Variants in RAB2A observed in about 807,000 individuals in gnomAD.
The protein encoded by RAB2A is RAB2A, member RAS oncogene family.
A neutral mutation model predicts 32.5 loss-of-function variants in RAB2A; 7 were observed. The ratio of observed to expected loss-of-function variants is 0.22; its 90% CI spans 0.12 to 0.40. The LOEUF (loss-of-function observed/expected upper bound fraction) is 0.40, where lower values mean the gene tolerates loss of function less well. Ranked by LOEUF, RAB2A falls within the 10% of genes least tolerant of loss-of-function variation. The pLI is 1.00. For missense variants in RAB2A, 108 were observed against 260.7 expected (o/e 0.41, Z 4.03); for synonymous variants, 79 against 85.2 (o/e 0.93, Z 0.40).
intron 2 of RAB2A, among the ~76,000 whole-genome samples, chr8:60,560,502 G>C (rs1449778937): frequency 6.6e-6 from 1 of 152,164 alleles, no homozygotes; most frequent in African/African-American, 2.4e-5. Flanking sequence ...CAAAACAGTT[G>C]TATTTAGTAT....
intron 1 of RAB2A, among the ~76,000 whole-genome samples, chr8:60,546,352 A>G (rs1047438104): frequency 1.3e-5 from 2 of 152,194 alleles, no homozygotes; most frequent in African/African-American, 4.8e-5. Flanking sequence ...GACTTGACCA[A>G]CCTTCTCTTG....
At chr8:60,541,168 C>T (rs145071088) in intron 1 of RAB2A, among the ~76,000 whole-genome samples, 178 of 152,228 alleles carry the variant, frequency 1.2e-3, no homozygotes, top group African/African-American at 4.3e-3. Flanking sequence ...CCAGTCTAAT[C>T]ATGAAAAAAT....
At chr8:60,606,945 G>A (rs556405502) in intron 6 of RAB2A, among the ~76,000 whole-genome samples, 2 of 152,188 alleles carry the variant, frequency 1.3e-5, no homozygotes, top group South Asian at 2.1e-4. Flanking sequence ...AATTGGCGGG[G>A]GATGCGTAAC....
At chr8:60,576,229 GC>G (rs1328674130) in intron 3 of RAB2A, 1 of 456,080 alleles carries the variant, frequency 2.2e-6, no homozygotes, top group African/African-American at 2.0e-5. Context: ...ATTCTTTTCT[GC>G]CAGGGGAAGT....
intron 1 of RAB2A, among the ~76,000 whole-genome samples, chr8:60,550,813 TCAATA>T (rs1460511476): frequency 6.6e-6 from 1 of 152,200 alleles, no homozygotes; most frequent in Non-Finnish European, 1.5e-5. Context: ...CTATTTTATC[TCAATA>T]AACTTACAGA....
chr8:60,558,046 C>CT (rs1404846084), intron 1 of RAB2A, among the ~76,000 whole-genome samples: 1 of 152,176 alleles, frequency 6.6e-6, no homozygotes, highest in African/African-American at 2.4e-5. Context: ...TTTTCAAGTC[C>CT]TAGTGCAGTG....
At chr8:60,517,910 A>T (rs1354496578) in intron 1 of RAB2A, among the ~76,000 whole-genome samples, 4 of 152,204 alleles carry the variant, frequency 2.6e-5, no homozygotes, top group Admixed American at 2.6e-4. Context: ...TTAGGAAAGC[A>T]TGAACGAGTT....
In RAB2A at chr8:60,517,323, C is replaced by A. The variant is rs1042576879; in HGVS notation, c.46+70C>A. On this transcript the variant is annotated intron_variant, in intron 1 of 7. Coordinates refer to ENST00000262646, the MANE Select transcript of RAB2A (RefSeq NM_002865.3). ...ACCCGGGCTGAGGGGCAAACGGCGTCTGGCGGTGGCGGGGACGCGGACTCC... is the reference window on the plus strand; with the variant it reads ...ACCCGGGCTGAGGGGCAAACGGCGTATGGCGGTGGCGGGGACGCGGACTCC... 122 of 1,351,962 alleles carry A rather than the reference C, an allele frequency of 9.0e-5. No homozygotes were observed. The Middle Eastern group carries it at 1.8e-3, about 20-fold the overall frequency. 83.7% of individuals were successfully genotyped at this position (1,351,962 alleles called of 1,614,324 possible).
At chr8:60,596,002 A>T in intron 6 of RAB2A, among the ~76,000 whole-genome samples, 1 of 152,248 alleles carries the variant, frequency 6.6e-6, no homozygotes, top group Admixed American at 6.5e-5. Flanking sequence ...TTGAATTACA[A>T]AAAACACATT....
intron 6 of RAB2A, among the ~76,000 whole-genome samples, chr8:60,603,543 C>T (rs1163366558): frequency 1.3e-5 from 2 of 152,152 alleles, no homozygotes; most frequent in Non-Finnish European, 2.9e-5. Flanking sequence ...TAAATGAATG[C>T]AAAGGATATC....
At chr8:60,561,286 T>A (rs1398043120) in intron 2 of RAB2A, among the ~76,000 whole-genome samples, 1 of 152,250 alleles carries the variant, frequency 6.6e-6, no homozygotes, top group African/African-American at 2.4e-5. Flanking sequence ...TTTTTCTGGT[T>A]GCACTGACTG....
chr8:60,558,801 A>T (rs758665507), intron 1 of RAB2A, 51 bp from the exon 2 acceptor site: 2 of 1,460,536 alleles, frequency 1.4e-6, no homozygotes, highest in Admixed American at 1.7e-5. Flanking sequence ...TTTGTAAAGC[A>T]TCTTAATTTC....
chr8:60,554,882 G>A (rs1318384071), intron 1 of RAB2A, among the ~76,000 whole-genome samples: 2 of 152,126 alleles, frequency 1.3e-5, no homozygotes, highest in African/African-American at 2.4e-5. Flanking sequence ...AAAGAAATAG[G>A]TTGAGGCCAC....
chr8:60,543,986 C>T (rs1402928009), intron 1 of RAB2A, among the ~76,000 whole-genome samples: 1 of 143,480 alleles, frequency 7.0e-6, no homozygotes, highest in Non-Finnish European at 1.5e-5. Flanking sequence ...CACTTGAACT[C>T]GGTGGGTGGA....
chr8:60,555,706 A>C (rs1482523065), intron 1 of RAB2A, among the ~76,000 whole-genome samples: 1 of 152,190 alleles, frequency 6.6e-6, no homozygotes, highest in East Asian at 1.9e-4. Context: ...ACAAAAAAGA[A>C]CATGCTGGTG....
intron 1 of RAB2A, among the ~76,000 whole-genome samples, chr8:60,546,075 T>TAGTA (rs1807722516): frequency 6.6e-6 from 1 of 152,160 alleles, no homozygotes. Flanking sequence ...AGATAAAAGT[T>TAGTA]AGTACATAGT....
At chr8:60,554,522 G>A (rs1225713596) in intron 1 of RAB2A, among the ~76,000 whole-genome samples, 2 of 152,156 alleles carry the variant, frequency 1.3e-5, no homozygotes, top group Non-Finnish European at 2.9e-5. Context: ...GAATGAATTC[G>A]GTTCCGTAAG....
chr8:60,551,456 T>C (rs992553611), intron 1 of RAB2A, among the ~76,000 whole-genome samples: 7 of 152,254 alleles, frequency 4.6e-5, no homozygotes, highest in African/African-American at 9.6e-5. Context: ...AACTTTACTA[T>C]GTGCCAGACA....
At chr8:60,539,820 C>G (rs1246619267) in intron 1 of RAB2A, among the ~76,000 whole-genome samples, 1 of 151,956 alleles carries the variant, frequency 6.6e-6, no homozygotes, top group Non-Finnish European at 1.5e-5. Context: ...GGTAAAAAAT[C>G]AAAATATAAA....
Sources: allele counts gnomAD v4.1 joint callset (sites outside exome capture counted in the v4.1 genomes callset), GRCh38; gene constraint gnomAD v4.1.1; transcripts MANE v1.5; gene names NCBI Gene and HGNC (gene_info 2026-07-23, HGNC 2026-07-21).